CCDC38: variants seen among roughly 807,000 people sequenced by gnomAD.
The protein encoded by CCDC38 is coiled-coil domain-containing protein 38.
CCDC38 carries 69 observed loss-of-function variants against 72.8 expected under a neutral mutation model. The observed-to-expected ratio is 0.95, with a 90% CI of 0.78 to 1.16. CCDC38 has a LOEUF of 1.16. Ranked by LOEUF, CCDC38 falls within the 50% of genes most tolerant of loss-of-function variation. CCDC38 has a pLI of 0.00. For missense variants in CCDC38, 626 were observed against 638.9 expected (o/e 0.98, Z 0.22); for synonymous variants, 201 against 213.2 (o/e 0.94, Z 0.50).
chr12:95,900,879 G>T (rs575348736), intron 5 of CCDC38, among the ~76,000 whole-genome samples: 4 of 152,288 alleles, frequency 2.6e-5, no homozygotes, highest in African/African-American at 9.6e-5. Context: ...CAGGATTTCA[G>T]TGTTTGGGAT....
intron 10 of CCDC38, among the ~76,000 whole-genome samples, chr12:95,884,601 A>G (rs1592761548): frequency 6.6e-6 from 1 of 152,266 alleles, no homozygotes; most frequent in East Asian, 1.9e-4. Context: ...TGGAGGCTAG[A>G]AGTCAGAAAT....
intron 5 of CCDC38, among the ~76,000 whole-genome samples, chr12:95,899,655 A>G (rs2079930263): frequency 6.6e-6 from 1 of 152,234 alleles, no homozygotes; most frequent in African/African-American, 2.4e-5. Context: ...AAGGCCACAT[A>G]CATAATATAA....
intron 5 of CCDC38, among the ~76,000 whole-genome samples, chr12:95,905,861 G>A (rs1423383095): frequency 1.3e-5 from 2 of 151,934 alleles, no homozygotes; most frequent in Admixed American, 6.6e-5. Flanking sequence ...TTGATGGCAG[G>A]AAAAAAAGCC....
At chr12:95,882,620 C>A (rs1242143988) in intron 10 of CCDC38, among the ~76,000 whole-genome samples, 2 of 152,144 alleles carry the variant, frequency 1.3e-5, no homozygotes, top group Non-Finnish European at 2.9e-5. Flanking sequence ...ACAGTCCACC[C>A]TTCTCTGCTC....
At chr12:95,931,364 TC>T (rs1481762163) in intron 2 of CCDC38, among the ~76,000 whole-genome samples, 1 of 152,214 alleles carries the variant, frequency 6.6e-6, no homozygotes, top group Non-Finnish European at 1.5e-5. Flanking sequence ...AGGATAACCT[TC>T]CCATATCAAG....
chr12:95,883,509 C>T (rs531988495), intron 10 of CCDC38, among the ~76,000 whole-genome samples: 2 of 152,290 alleles, frequency 1.3e-5, no homozygotes, highest in Non-Finnish European at 2.9e-5. Context: ...AGCTTGTCCT[C>T]ACTAACTCTT....
intron 10 of CCDC38, among the ~76,000 whole-genome samples, chr12:95,884,042 T>C (rs1321017189): frequency 3.9e-5 from 6 of 152,210 alleles, no homozygotes; most frequent in Non-Finnish European, 5.9e-5. Flanking sequence ...GACAAAGATA[T>C]CTGCTCCCTC....
Position 95,895,122 on chromosome 12 carries a change from G to A in CCDC38, c.639C>T (p.Leu213=), listed in dbSNP as rs1318718633. The change falls in exon 8 of 16, where the codon CTC becomes CTT. Residue 213 remains leucine (L), a synonymous_variant. Transcript: ENST00000344280. The part of the protein sequence containing the change: ...VKSEIAKTEF[L]LREYMKYGFF... ...AACCATATTTCATATACTCCCTGAG[G>A]AGGAATTCTGTTTTTGCTATTTCAC... 15 of 1,608,316 alleles carry A rather than the reference G, an allele frequency of 9.3e-6. No individual in the cohort carries two copies. The highest frequency in any genetic ancestry group is 1.2e-5 in the Non-Finnish European group (14 of 1,178,330).
At chr12:95,912,548 G>A (rs531714085) in intron 4 of CCDC38, among the ~76,000 whole-genome samples, 18 of 152,188 alleles carry the variant, frequency 1.2e-4, no homozygotes, top group South Asian at 6.2e-4. Flanking sequence ...GTGCTGTAGC[G>A]CTGTAAGGTG....
chr12:95,891,286 A>C (rs1400464434), intron 8 of CCDC38, among the ~76,000 whole-genome samples: 1 of 152,226 alleles, frequency 6.6e-6, no homozygotes, highest in Non-Finnish European at 1.5e-5. Flanking sequence ...CTGGACTGAC[A>C]GACTTAACTA....
intron 13 of CCDC38, among the ~76,000 whole-genome samples, chr12:95,874,774 G>C (rs1348370601): frequency 6.6e-6 from 1 of 152,192 alleles, no homozygotes; most frequent in African/African-American, 2.4e-5. Context: ...AACGGGAAGT[G>C]ATATGACCAG....
chr12:95,876,991 A>G (rs1013730495), intron 13 of CCDC38, among the ~76,000 whole-genome samples: 15 of 152,140 alleles, frequency 9.9e-5, no homozygotes, highest in Non-Finnish European at 1.9e-4. Flanking sequence ...AGACCTTTCC[A>G]GGGTCTTAAA....
rs752150514 is a variant in CCDC38 at position 95,867,192 on chromosome 12, G to A, written c.1579-3C>T. The A allele has an allele frequency of 1.4e-6, 2 of 1,471,536 alleles. No homozygotes were observed. The highest frequency in any genetic ancestry group is 2.8e-5 in the African/African-American group (2 of 71,534). 91.2% of individuals were successfully genotyped at this position (1,471,536 alleles called of 1,614,324 possible). A position where few individuals can be genotyped will look rare whatever the true frequency, so the allele number is the denominator to read the frequency against. The stretch of plus-strand genomic sequence containing the variant: ...TGAAAGACAAGTCGTCTTCCCAACT[G>A]AAACAAAAGAAAAACAAAATACTTA... On this transcript the variant is annotated splice_region_variant and splice_polypyrimidine_tract_variant and intron_variant, in intron 15 of 15. Transcript: ENST00000344280.
intron 2 of CCDC38, chr12:95,919,616 T>C (rs546007057): frequency 2.4e-5 from 11 of 456,000 alleles, no homozygotes; most frequent in Non-Finnish European, 4.9e-5. Flanking sequence ...CCGACATAGC[T>C]CTTACTGCTT....
At chr12:95,919,363 C>T (rs1338292428) in intron 2 of CCDC38, 4 of 378,394 alleles carry the variant, frequency 1.1e-5, no homozygotes, top group Admixed American at 3.2e-5. Flanking sequence ...GGTTGAGGTA[C>T]GGCTGCTGGG....
rs1013998452 is a variant in CCDC38 at position 95,917,030 on chromosome 12, G to T, written c.304+99C>A. 4 of 822,470 alleles carry T rather than the reference G, an allele frequency of 4.9e-6. No individual in the cohort carries two copies. In the African/African-American group the frequency reaches 5.4e-5, roughly 11 times the overall value. 50.9% of individuals were successfully genotyped at this position (822,470 alleles called of 1,614,324 possible). ...TAAGACTCCCTACCATTATAAGAGAGCATACTGTCTGTTTTAATCACCCTC... is the reference window on the plus strand; with the variant it reads ...TAAGACTCCCTACCATTATAAGAGATCATACTGTCTGTTTTAATCACCCTC... On this transcript the variant is annotated intron_variant, in intron 4 of 15. Coordinates refer to ENST00000344280, the MANE Select transcript of CCDC38 (RefSeq NM_182496.3).
chr12:95,911,690 G>A (rs1592787961), intron 4 of CCDC38, among the ~76,000 whole-genome samples: 1 of 152,148 alleles, frequency 6.6e-6, no homozygotes, highest in East Asian at 1.9e-4. Flanking sequence ...AGTCAGAATG[G>A]CTATTATTAA....
intron 7 of CCDC38, among the ~76,000 whole-genome samples, 180 bp downstream of exon 7, chr12:95,898,205 G>A (rs77484769): frequency 0.029 from 4,357 of 152,284 alleles, 77 homozygotes; most frequent in Non-Finnish European, 0.032. Context: ...GCCACATACT[G>A]TCCTGATACC....
At chr12:95,895,204 GA>G (rs1205924821) in intron 7 of CCDC38, 58 bp from the exon 8 acceptor site, 18 of 1,306,354 alleles carry the variant, frequency 1.4e-5, no homozygotes, top group African/African-American at 4.6e-5. Context: ...ACATTCATTA[GA>G]AAAAAATTTT....
Sources: allele counts gnomAD v4.1 joint callset (sites outside exome capture counted in the v4.1 genomes callset), GRCh38; gene constraint gnomAD v4.1.1; transcripts MANE v1.5; gene names NCBI Gene and HGNC (gene_info 2026-07-23, HGNC 2026-07-21).